RSU1: variants seen among roughly 807,000 people sequenced by gnomAD.
The protein encoded by RSU1 is rsu-1.
Under a neutral mutation model 31.1 loss-of-function variants are expected in RSU1, and 26 were observed. The ratio of observed to expected loss-of-function variants is 0.84; its 90% CI spans 0.61 to 1.16. The LOEUF (loss-of-function observed/expected upper bound fraction) is 1.16, where lower values mean the gene tolerates loss of function less well. Ranked by LOEUF, RSU1 falls within the 50% of genes most tolerant of loss-of-function variation. The probability of loss-of-function intolerance (pLI) is 0.00; values close to 1 mark genes in which losing one functional copy is unlikely to be tolerated. For missense variants in RSU1, 320 were observed against 339.1 expected (o/e 0.94, Z 0.44); for synonymous variants, 164 against 136.3 (o/e 1.20, Z -1.41).
At position 16,694,963 on chromosome 10, in the gene RSU1, C is replaced by T. The variant is rs576843789; in HGVS notation, c.731+60G>A. Reference sequence around the variant, plus strand: ...TACTGTCACATAATATTTTTAAAGGCGTAATTATAAATACTATAAAATCAC... The same window carrying T: ...TACTGTCACATAATATTTTTAAAGGTGTAATTATAAATACTATAAAATCAC... On this transcript the variant is annotated intron_variant, in intron 8 of 8. Coordinates refer to ENST00000345264, the MANE Select transcript of RSU1 (RefSeq NM_012425.4). 41 of 1,449,814 alleles carry T rather than the reference C, an allele frequency of 2.8e-5. No individual in the cohort carries two copies. The Middle Eastern group carries it at 5.4e-4, about 19-fold the overall frequency. The allele number at this position is 1,449,814 out of a possible 1,614,324, so 89.8% of individuals were successfully genotyped here. A position where few individuals can be genotyped will look rare whatever the true frequency, so the allele number is the denominator to read the frequency against.
intron 4 of RSU1, among the ~76,000 whole-genome samples, chr10:16,763,576 G>A (rs1417257505): frequency 6.6e-6 from 1 of 152,100 alleles, no homozygotes; most frequent in Non-Finnish European, 1.5e-5. Context: ...CTCCAACACT[G>A]GGGATTACAA....
rs1833507564 is a variant in RSU1 at position 16,591,717 on chromosome 10, A to G, written c.*1677T>C. ...TTTCATCTTTTGAAAAAAATGACTC[A>G]TAAGAGCCCTTCATATTGTTAGATT... On this transcript the variant is annotated 3_prime_UTR_variant, in exon 9 of 9. Coordinates refer to ENST00000345264, the MANE Select transcript of RSU1 (RefSeq NM_012425.4). The G allele has an allele frequency of 6.6e-6, 1 of 152,188 alleles. No individual in the cohort carries two copies. Among genetic ancestry groups the G allele is most frequent in the East Asian group, 1.9e-4 (1 of 5,194 alleles). The allele number at this position is 152,188 out of a possible 1,614,324, so 9.4% of individuals were successfully genotyped here.
intron 8 of RSU1, among the ~76,000 whole-genome samples, chr10:16,662,081 G>A: frequency 6.6e-6 from 1 of 152,216 alleles, no homozygotes; most frequent in East Asian, 1.9e-4. Context: ...GCCTTTTAGA[G>A]ATGGTTAAAA....
At chr10:16,634,636 C>T (rs1004381080) in intron 8 of RSU1, among the ~76,000 whole-genome samples, 2 of 152,122 alleles carry the variant, frequency 1.3e-5, no homozygotes, top group African/African-American at 2.4e-5. Flanking sequence ...CTGCTCAACT[C>T]CCATGGGATA....
intron 7 of RSU1, among the ~76,000 whole-genome samples, chr10:16,708,259 CAA>C (rs1016418519): frequency 1.3e-5 from 2 of 152,038 alleles, no homozygotes; most frequent in Non-Finnish European, 2.9e-5. Flanking sequence ...TATATTCTTA[CAA>C]TAAAGCTAGA....
chr10:16,590,786 G>C lies in RSU1; in HGVS notation c.*2608C>G, dbSNP rs1833492136. ...GTGTTCACCTCTATTTAATTTTTATGCACACGTATTACAAACAAGCTTCCT... is the reference window on the plus strand; with the variant it reads ...GTGTTCACCTCTATTTAATTTTTATCCACACGTATTACAAACAAGCTTCCT... On this transcript the variant is annotated 3_prime_UTR_variant, in exon 9 of 9. Coordinates refer to ENST00000345264, the MANE Select transcript of RSU1 (RefSeq NM_012425.4). 1 of 152,150 alleles carries C rather than the reference G, an allele frequency of 6.6e-6. No homozygotes were observed. Among genetic ancestry groups the C allele is most frequent in the Non-Finnish European group, 1.5e-5 (1 of 68,014 alleles). 9.4% of individuals were successfully genotyped at this position (152,150 alleles called of 1,614,324 possible). A position where few individuals can be genotyped will look rare whatever the true frequency, so the allele number is the denominator to read the frequency against.
chr10:16,741,263 A>G (rs1332395404), intron 7 of RSU1, among the ~76,000 whole-genome samples: 1 of 152,250 alleles, frequency 6.6e-6, no homozygotes, highest in African/African-American at 2.4e-5. Context: ...GCCACAGGCA[A>G]AAGAATAAAA....
At chr10:16,721,901 T>C (rs1037958337) in intron 7 of RSU1, among the ~76,000 whole-genome samples, 5 of 152,154 alleles carry the variant, frequency 3.3e-5, no homozygotes, top group Non-Finnish European at 7.3e-5. Flanking sequence ...AAAACATCAA[T>C]GTAAAGCTGT....
chr10:16,655,589 A>G (rs1588697485), intron 8 of RSU1, among the ~76,000 whole-genome samples: 1 of 152,356 alleles, frequency 6.6e-6, no homozygotes. Flanking sequence ...TATATAATTC[A>G]TATTCATAAA....
At chr10:16,796,010 T>G (rs1838022817) in intron 2 of RSU1, among the ~76,000 whole-genome samples, 1 of 152,140 alleles carries the variant, frequency 6.6e-6, no homozygotes, top group African/African-American at 2.4e-5. Flanking sequence ...AAAGTAAACC[T>G]TCTTTTCAAG....
At chr10:16,718,973 A>G (rs1836199633) in intron 7 of RSU1, among the ~76,000 whole-genome samples, 1 of 136,600 alleles carries the variant, frequency 7.3e-6, no homozygotes. Flanking sequence ...AGAGAGTGAA[A>G]CTTCATCTCA....
At chr10:16,735,995 A>G (rs540940658) in intron 7 of RSU1, among the ~76,000 whole-genome samples, 1 of 152,326 alleles carries the variant, frequency 6.6e-6, no homozygotes, top group East Asian at 1.9e-4. Flanking sequence ...TCTGAGAAGC[A>G]TTTCCAGACA....
At chr10:16,758,140 T>C (rs532109064) in intron 4 of RSU1, among the ~76,000 whole-genome samples, 5 of 151,272 alleles carry the variant, frequency 3.3e-5, no homozygotes, top group African/African-American at 4.9e-5. Flanking sequence ...TAAGTAACAG[T>C]GGTAGGCACA....
chr10:16,698,667 G>A (rs1387866041), intron 7 of RSU1, among the ~76,000 whole-genome samples: 1 of 152,166 alleles, frequency 6.6e-6, no homozygotes, highest in Non-Finnish European at 1.5e-5. Context: ...GACGGCAGAG[G>A]CATCACAGAT....
chr10:16,783,363 G>GCTTTTTTTTTT (rs1293875939), intron 2 of RSU1, among the ~76,000 whole-genome samples: 2 of 92,798 alleles, frequency 2.2e-5, no homozygotes, highest in East Asian at 6.3e-4. Flanking sequence ...CACAACTTTT[G>GCTTTTTTTTTT]CTTTTTTTTT....
intron 8 of RSU1, 140 bp downstream of exon 8, chr10:16,694,883 T>G: frequency 1.3e-6 from 1 of 779,384 alleles, no homozygotes; most frequent in Non-Finnish European, 2.0e-6. Flanking sequence ...CTGGCCGACA[T>G]GCAGTTTTTA....
chr10:16,615,351 G>C (rs1833957576), intron 8 of RSU1, among the ~76,000 whole-genome samples: 1 of 152,058 alleles, frequency 6.6e-6, no homozygotes, highest in Non-Finnish European at 1.5e-5. Flanking sequence ...AAATATAAAT[G>C]CACCCAATAC....
chr10:16,815,782 C>T (rs1287805504), intron 2 of RSU1, among the ~76,000 whole-genome samples: 1 of 152,096 alleles, frequency 6.6e-6, no homozygotes, highest in Non-Finnish European at 1.5e-5. Context: ...CTGGTGCAGA[C>T]GGATAAGGTT....
At chr10:16,625,952 A>C (rs1166515020) in intron 8 of RSU1, among the ~76,000 whole-genome samples, 4 of 152,172 alleles carry the variant, frequency 2.6e-5, no homozygotes, top group African/African-American at 9.7e-5. Context: ...TGTTGTGAAC[A>C]TTCGGTAACA....
Sources: allele counts gnomAD v4.1 joint callset (sites outside exome capture counted in the v4.1 genomes callset), GRCh38; gene constraint gnomAD v4.1.1; transcripts MANE v1.5; gene names NCBI Gene and HGNC (gene_info 2026-07-23, HGNC 2026-07-21).